Variants in NEGR1 observed in about 807,000 individuals in gnomAD.
The protein encoded by NEGR1 is neuronal growth regulator 1.
In NEGR1, 10 loss-of-function variants were observed where a neutral mutation model predicts 40.9. That is an observed-to-expected ratio of 0.24 (90% CI 0.15 to 0.42). NEGR1 has a LOEUF of 0.42. Among genes scored for constraint, NEGR1 ranks in the 10% least tolerant of loss-of-function variants. The pLI, the probability that NEGR1 is intolerant of heterozygous loss-of-function variation, is 1.00. For synonymous variants in NEGR1, 185 were observed against 166.8 expected, an observed-to-expected ratio of 1.11 and a Z score of -0.84; for missense variants, 352 against 438.9, an observed-to-expected ratio of 0.80 and a Z score of 1.77.
chr1:71,693,559 C>T (rs2101624540), intron 4 of NEGR1, among the ~76,000 whole-genome samples: 1 of 151,404 alleles, frequency 6.6e-6, no homozygotes, highest in South Asian at 2.1e-4. Context: ...TATACATTTA[C>T]AAATATATAT....
intron 3 of NEGR1, among the ~76,000 whole-genome samples, chr1:71,761,240 C>T (rs1429435593): frequency 2.6e-5 from 4 of 152,112 alleles, no homozygotes; most frequent in Non-Finnish European, 5.9e-5. Context: ...TCCATATAGT[C>T]TCTGTTGCAA....
chr1:71,728,530 A>G (rs1654749536), intron 3 of NEGR1, among the ~76,000 whole-genome samples: 1 of 152,172 alleles, frequency 6.6e-6, no homozygotes, highest in East Asian at 1.9e-4. Flanking sequence ...CTTTTCTTAC[A>G]TGTTCTCAAC....
At chr1:71,754,259 A>G (rs1326358044) in intron 3 of NEGR1, among the ~76,000 whole-genome samples, 1 of 152,152 alleles carries the variant, frequency 6.6e-6, no homozygotes, top group Non-Finnish European at 1.5e-5. Context: ...CGCCTCACTG[A>G]AGACCTCTAC....
In NEGR1 at chr1:71,730,569, T is replaced by TTATATATATATATATATATA. The variant is rs56382019; in HGVS notation, c.536-32450_536-32431dup. Among the ~76,000 whole-genome samples the TTATATATATATATATATATA allele has an allele frequency of 1.1e-3, 142 of 134,672 alleles. 2 individuals carry two copies. Among genetic ancestry groups the TTATATATATATATATATATA allele is most frequent in the East Asian group, 5.2e-3 (23 of 4,408 alleles). The allele number at this position is 134,672 out of a possible 152,430, so 88.4% of individuals were successfully genotyped here. ...TTATATGTGTATATATAGTATAAAT[T>TTATATATATATATATATATA]TATATATATATATATATATATATAA... is the stretch of plus-strand genomic sequence containing the variant. On this transcript the variant is annotated intron_variant, in intron 3 of 6. Transcript: ENST00000357731.
chr1:71,597,466 C>CTGTGTG (rs1460180034), intron 5 of NEGR1, among the ~76,000 whole-genome samples: 80 of 17,968 alleles, frequency 4.5e-3, no homozygotes, highest in Non-Finnish European at 0.024. Flanking sequence ...CTCTCTCTCT[C>CTGTGTG]TCTCTCTGTG....
intron 6 of NEGR1, among the ~76,000 whole-genome samples, chr1:71,473,419 A>G (rs1007268727): frequency 3.9e-5 from 6 of 152,106 alleles, no homozygotes; most frequent in Admixed American, 1.3e-4. Flanking sequence ...GGAAAAATCA[A>G]CCAGTGAACC....
intron 3 of NEGR1, among the ~76,000 whole-genome samples, chr1:71,771,952 C>T (rs1284532743): frequency 3.3e-5 from 5 of 151,872 alleles, no homozygotes; most frequent in South Asian, 2.1e-4. Flanking sequence ...TTGGATGTCA[C>T]GGTCTTAAAA....
At chr1:71,980,046 TA>T (rs1646341069) in intron 1 of NEGR1, among the ~76,000 whole-genome samples, 1 of 152,026 alleles carries the variant, frequency 6.6e-6, no homozygotes, top group African/African-American at 2.4e-5. Flanking sequence ...ATGCAAATGA[TA>T]AAAAAGAGTT....
At chr1:71,549,129 A>G (rs982588279) in intron 6 of NEGR1, among the ~76,000 whole-genome samples, 18 of 151,830 alleles carry the variant, frequency 1.2e-4, no homozygotes, top group East Asian at 1.2e-3. Flanking sequence ...AGTGCTTACT[A>G]TATCCTAAAC....
chr1:72,101,326 G>A (rs17588241), intron 1 of NEGR1, among the ~76,000 whole-genome samples: 5,113 of 152,158 alleles, frequency 0.034, 123 homozygotes, highest in Non-Finnish European at 0.053. Flanking sequence ...AGTAGGAAAA[G>A]AACTATTGAG....
rs183610984 is a variant in NEGR1 at position 72,045,727 on chromosome 1, T to G, written c.177-110416A>C. On this transcript the variant is annotated intron_variant, in intron 1 of 6. Transcript: ENST00000357731. ...TCTTTTCAGCAGTGTGAAAACAAAC[T>G]AATACATCCACATTTCATGTTTCTT... 1.6e-4 allele frequency among the ~76,000 whole-genome samples: 24 copies of G among 151,932 alleles called. No individual in the cohort carries two copies. The East Asian group carries it at 4.1e-3, about 26-fold the overall frequency.
chr1:72,223,802 A>C (rs1654088051), intron 1 of NEGR1, among the ~76,000 whole-genome samples: 1 of 152,150 alleles, frequency 6.6e-6, no homozygotes, highest in African/African-American at 2.4e-5. Context: ...TTGGATTTTT[A>C]TGTATTCAGT....
At chr1:71,547,403 GA>G (rs371443479) in intron 6 of NEGR1, among the ~76,000 whole-genome samples, 138 of 151,806 alleles carry the variant, frequency 9.1e-4, no homozygotes, top group African/African-American at 2.9e-3. Context: ...TTACCGGAGT[GA>G]AAAAGGGATA....
chr1:71,631,250 T>C (rs925734001), intron 4 of NEGR1, among the ~76,000 whole-genome samples: 1 of 151,446 alleles, frequency 6.6e-6, no homozygotes, highest in African/African-American at 2.4e-5. Flanking sequence ...AATATTATTA[T>C]TTCTTTCTTA....
At chr1:71,647,822 C>T (rs1651583845) in intron 4 of NEGR1, among the ~76,000 whole-genome samples, 3 of 151,954 alleles carry the variant, frequency 2.0e-5, no homozygotes, top group Admixed American at 6.6e-5. Flanking sequence ...CACTTCATAC[C>T]TACAAACATT....
chr1:71,764,341 G>A (rs1199990087), intron 3 of NEGR1, among the ~76,000 whole-genome samples: 1 of 152,202 alleles, frequency 6.6e-6, no homozygotes, highest in African/African-American at 2.4e-5. Context: ...ATTGTTGGAA[G>A]TTGCTGTTTG....
chr1:72,168,158 C>A (rs7526028), intron 1 of NEGR1, among the ~76,000 whole-genome samples: 19,616 of 151,926 alleles, frequency 0.13, 1,667 homozygotes, highest in Non-Finnish European at 0.19. Flanking sequence ...GGACTACAGG[C>A]ATGTGCTGCC....
At chr1:71,675,056 C>T (rs1375359802) in intron 4 of NEGR1, among the ~76,000 whole-genome samples, 10 of 127,224 alleles carry the variant, frequency 7.9e-5, no homozygotes, top group African/African-American at 1.1e-4. Flanking sequence ...GTGATACATA[C>T]GTATGTGATC....
At chr1:71,629,082 T>C (rs1650886003) in intron 4 of NEGR1, among the ~76,000 whole-genome samples, 1 of 151,706 alleles carries the variant, frequency 6.6e-6, no homozygotes, top group African/African-American at 2.4e-5. Flanking sequence ...TTCTGTTGCT[T>C]CCTTTTTACT....
Sources: gnomAD v4.1 joint callset for allele counts (sites outside exome capture counted in the v4.1 genomes callset) on GRCh38, gnomAD v4.1.1 for gene constraint, MANE v1.5 for transcripts, NCBI Gene and HGNC (gene_info 2026-07-23, HGNC 2026-07-21) for gene names.